Variants in ETFRF1 observed in about 807,000 individuals in gnomAD.
ETFRF1 encodes the protein LYR motif containing 5.
In ETFRF1, 12 loss-of-function variants were observed where a neutral mutation model predicts 9.0. That is an observed-to-expected ratio of 1.34 (90% CI 0.86 to 2.16). The LOEUF is 2.16. Ranked by LOEUF, ETFRF1 falls within the 30% of genes most tolerant of loss-of-function variation. The pLI, the probability that ETFRF1 is intolerant of heterozygous loss-of-function variation, is 0.00. For missense variants in ETFRF1, 98 were observed against 101.8 expected, an observed-to-expected ratio of 0.96 and a Z score of 0.16; for synonymous variants, 34 against 33.2, an observed-to-expected ratio of 1.02 and a Z score of -0.08.
chr12:25,196,410 CAA>C (rs1951008349), intron 1 of ETFRF1, among the ~76,000 whole-genome samples: 1 of 152,138 alleles, frequency 6.6e-6, no homozygotes, highest in African/African-American at 2.4e-5. Context: ...TCAGTAATCC[CAA>C]GTTACCTTAA....
rs1173591369 is a variant in ETFRF1, at chr12:25,195,271, C to G, written c.-104C>G. On this transcript the variant is annotated 5_prime_UTR_variant, in exon 1 of 3. Coordinates refer to ENST00000381356, the MANE Select transcript of ETFRF1 (RefSeq NM_001001660.3). The stretch of plus-strand genomic sequence containing the variant: ...TTGCCCACCTCCCCCAACGCCACCC[C>G]GCTTCGCAGTAGACGGACAGAGGAG... The G allele has an allele frequency of 1.5e-6, 1 of 653,456 alleles. No individual in the cohort carries two copies. The highest frequency in any genetic ancestry group is 2.7e-6 in the Non-Finnish European group (1 of 364,800). 40.5% of individuals were successfully genotyped at this position (653,456 alleles called of 1,614,324 possible). A position where few individuals can be genotyped will look rare whatever the true frequency, so the allele number is the denominator to read the frequency against.
At chr12:25,202,395 GGGC>G in intron 1 of ETFRF1, among the ~76,000 whole-genome samples, 1 of 144,828 alleles carries the variant, frequency 6.9e-6, no homozygotes, top group East Asian at 2.2e-4. Flanking sequence ...GCAGTGAGGA[GGGC>G]CTCTGGGGGT....
At position 25,197,489 on chromosome 12, in the gene ETFRF1, G is replaced by T. The variant is rs573752094; in HGVS notation, c.-38+2152G>T. Among the ~76,000 whole-genome samples the T allele has an allele frequency of 3.9e-5, 6 of 152,252 alleles. No individual in the cohort carries two copies. In the South Asian group the frequency reaches 1.2e-3, roughly 32 times the overall value. ...TTTGTTTGTTTTGTTTTGAGACAGG[G>T]TCTCAAAATGAATTTTGCCCAGGTT... is the stretch of plus-strand genomic sequence containing the variant. On this transcript the variant is annotated intron_variant, in intron 1 of 2. Transcript: ENST00000381356.
In ETFRF1 at chr12:25,204,466, C is replaced by A. The variant is rs187933956; in HGVS notation, c.*154C>A. ...AAATAGGTTTCAACTTCTGTTCATA[C>A]GGAGAAAGTATCAGCAACTTTATGC... On this transcript the variant is annotated 3_prime_UTR_variant, in exon 3 of 3. Coordinates refer to ENST00000381356, the MANE Select transcript of ETFRF1 (RefSeq NM_001001660.3). The A allele has an allele frequency of 2.0e-6, 1 of 508,872 alleles. No homozygotes were observed. The highest frequency in any genetic ancestry group is 5.4e-5 in the South Asian group (1 of 18,560). The allele number at this position is 508,872 out of a possible 1,614,324, so 31.5% of individuals were successfully genotyped here.
chr12:25,203,049 G>A (rs1951088723), intron 1 of ETFRF1, among the ~76,000 whole-genome samples: 1 of 152,138 alleles, frequency 6.6e-6, no homozygotes, highest in African/African-American at 2.4e-5. Context: ...CCATTAAAAG[G>A]ACTAGGTTCC....
chr12:25,204,958 C>CTGTT lies in ETFRF1; in HGVS notation c.*647_*650dup, dbSNP rs1377354731. On this transcript the variant is annotated 3_prime_UTR_variant, in exon 3 of 3. Coordinates refer to ENST00000381356, the MANE Select transcript of ETFRF1 (RefSeq NM_001001660.3). Reference sequence around the variant, plus strand: ...ACCTTTGGGCCTAAAACCAAGTCACCTGTTGTGTATCAATTACCTTCTTTG... The same window carrying CTGTT: ...ACCTTTGGGCCTAAAACCAAGTCACCTGTTTGTTGTGTATCAATTACCTTCTTTG... 1 of 203,758 alleles carries CTGTT rather than the reference C, an allele frequency of 4.9e-6. No individual in the cohort carries two copies. 12.6% of individuals were successfully genotyped at this position (203,758 alleles called of 1,614,324 possible).
intron 1 of ETFRF1, among the ~76,000 whole-genome samples, chr12:25,198,675 A>G (rs139556367): frequency 1.3e-5 from 2 of 152,382 alleles, no homozygotes; most frequent in East Asian, 3.9e-4. Context: ...ATGCCTACAT[A>G]ATATGCTTGT....
chr12:25,196,906 G>A (rs952511824), intron 1 of ETFRF1, among the ~76,000 whole-genome samples: 1 of 152,186 alleles, frequency 6.6e-6, no homozygotes, highest in Admixed American at 6.5e-5. Context: ...TGTAATCCCA[G>A]CATTTTGAGA....
intron 1 of ETFRF1, among the ~76,000 whole-genome samples, chr12:25,199,615 T>TACACACAC (rs769056865): frequency 1.5e-3 from 168 of 111,290 alleles, no homozygotes; most frequent in East Asian, 3.1e-3. Flanking sequence ...CATATATGTA[T>TACACACAC]ACATACACAC....
chr12:25,200,451 A>G (rs1207925427), intron 1 of ETFRF1, among the ~76,000 whole-genome samples: 1 of 152,206 alleles, frequency 6.6e-6, no homozygotes, highest in African/African-American at 2.4e-5. Context: ...TCAACACATC[A>G]CTAACATTTC....
In ETFRF1 at chr12:25,198,756, C is replaced by G. The variant is rs560935453; in HGVS notation, c.-38+3419C>G. Among the ~76,000 whole-genome samples, 38 of 152,016 alleles carry G rather than the reference C, an allele frequency of 2.5e-4. 2 individuals carry two copies. In the South Asian group the frequency reaches 7.5e-3, roughly 30 times the overall value. On this transcript the variant is annotated intron_variant, in intron 1 of 2. Coordinates refer to ENST00000381356, the MANE Select transcript of ETFRF1 (RefSeq NM_001001660.3). The stretch of plus-strand genomic sequence containing the variant: ...TATTAATGTAGAAGTATTTTTTTCC[C>G]TAGGAAAGAGGAGCCAGAAAAGCAG...
chr12:25,204,262 TAC>T lies in ETFRF1; in HGVS notation c.225_226del (p.Tyr75Ter), dbSNP rs750125116. The T allele has an allele frequency of 1.2e-6, 2 of 1,600,296 alleles. No individual in the cohort carries two copies. Among genetic ancestry groups the T allele is most frequent in the Non-Finnish European group, 8.5e-7 (1 of 1,176,340 alleles). ...AGAAGCTTTGTACTTCCTTAGGAAA[TAC>T]AGAGCTATGAAACAACGCTATTATT... The part of the protein sequence containing the change: ...ELEALYFLRK[Y>X]RAMKQRYYSD... On this transcript the variant is annotated frameshift_variant, in exon 3 of 3. Transcript: ENST00000381356.
rs1951099382 is a variant in ETFRF1 at position 25,203,905 on chromosome 12, TTTTCC to T, written c.-37-10_-37-6del. 3 of 1,362,094 alleles carry T rather than the reference TTTTCC, an allele frequency of 2.2e-6. No individual in the cohort carries two copies. The highest frequency in any genetic ancestry group is 1.8e-5 in the South Asian group (1 of 55,532). 84.4% of individuals were successfully genotyped at this position (1,362,094 alleles called of 1,614,324 possible). A position where few individuals can be genotyped will look rare whatever the true frequency, so the allele number is the denominator to read the frequency against. ...TACAATGCAGCTAATTGCAAAAAAA[TTTTCC>T]TTTCTTTAGGTATGTTATGCATAAA... On this transcript the variant is annotated splice_polypyrimidine_tract_variant and intron_variant, in intron 1 of 2. Transcript: ENST00000381356.
intron 1 of ETFRF1, among the ~76,000 whole-genome samples, chr12:25,197,766 C>T (rs1951042048): frequency 2.0e-5 from 3 of 152,076 alleles, no homozygotes; most frequent in African/African-American, 7.2e-5. Flanking sequence ...CCACCATGCC[C>T]AGCCTAAGAA....
chr12:25,200,291 A>C (rs1184497140), intron 1 of ETFRF1, among the ~76,000 whole-genome samples: 1 of 152,218 alleles, frequency 6.6e-6, no homozygotes, highest in Non-Finnish European at 1.5e-5. Flanking sequence ...AAATAATAAA[A>C]GTTCCAGGAA....
At chr12:25,202,827 T>C (rs966369328) in intron 1 of ETFRF1, among the ~76,000 whole-genome samples, 3 of 152,154 alleles carry the variant, frequency 2.0e-5, no homozygotes, top group Non-Finnish European at 4.4e-5. Context: ...CCCTGTAGTA[T>C]TGGAATTGAA....
intron 1 of ETFRF1, among the ~76,000 whole-genome samples, chr12:25,199,393 T>C (rs1047382423): frequency 1.2e-4 from 18 of 149,734 alleles, no homozygotes; most frequent in Non-Finnish European, 2.4e-4. Flanking sequence ...TACTACATAG[T>C]ACATACTATG....
chr12:25,202,265 C>G (rs1951080430), intron 1 of ETFRF1, among the ~76,000 whole-genome samples: 1 of 151,228 alleles, frequency 6.6e-6, no homozygotes, highest in Non-Finnish European at 1.5e-5. Flanking sequence ...GCTTGCCTAT[C>G]AGAGTAATTC....
rs546738823 is a variant in ETFRF1 at position 25,204,448 on chromosome 12, T to C, written c.*136T>C. ...GAGCTGCCCTACTGAACTAAATAGG[T>C]TTCAACTTCTGTTCATACGGAGAAA... On this transcript the variant is annotated 3_prime_UTR_variant, in exon 3 of 3. Transcript: ENST00000381356. The C allele has an allele frequency of 2.3e-5, 14 of 598,374 alleles. No homozygotes were observed. Among genetic ancestry groups the C allele is most frequent in the South Asian group, 4.1e-5 (1 of 24,260 alleles). 37.1% of individuals were successfully genotyped at this position (598,374 alleles called of 1,614,324 possible). A position where few individuals can be genotyped will look rare whatever the true frequency, so the allele number is the denominator to read the frequency against.
Sources: allele counts gnomAD v4.1 joint callset (sites outside exome capture counted in the v4.1 genomes callset), GRCh38; gene constraint gnomAD v4.1.1; transcripts MANE v1.5; gene names NCBI Gene and HGNC (gene_info 2026-07-23, HGNC 2026-07-21).